Variants in EFCAB6 observed in about 807,000 individuals in gnomAD.
EFCAB6 encodes the protein EF-hand calcium-binding domain-containing protein 6.
A neutral mutation model predicts 169.8 loss-of-function variants in EFCAB6; 156 were observed. The observed-to-expected ratio is 0.92, with a 90% CI of 0.81 to 1.05. The LOEUF is 1.05. Ranked by LOEUF, EFCAB6 falls within the 50% of genes least tolerant of loss-of-function variation. The probability of loss-of-function intolerance (pLI) is 0.00; values close to 1 mark genes in which losing one functional copy is unlikely to be tolerated. For missense variants in EFCAB6, 1,800 were observed against 1,829.1 expected, an observed-to-expected ratio of 0.98 and a Z score of 0.29; for synonymous variants, 698 against 676.4, an observed-to-expected ratio of 1.03 and a Z score of -0.50.
intron 2 of EFCAB6, among the ~76,000 whole-genome samples, chr22:43,794,433 G>A (rs1603381282): frequency 6.6e-6 from 1 of 152,266 alleles, no homozygotes. Flanking sequence ...CCCAAACTCC[G>A]GTGAATTTAA....
intron 24 of EFCAB6, among the ~76,000 whole-genome samples, chr22:43,583,442 A>C (rs2147333635): frequency 6.6e-6 from 1 of 152,052 alleles, no homozygotes; most frequent in South Asian, 2.1e-4. Context: ...GACAAGGTAA[A>C]ACAAAGGCAG....
At chr22:43,700,590 A>G (rs762539186) in intron 10 of EFCAB6, among the ~76,000 whole-genome samples, 7 of 152,210 alleles carry the variant, frequency 4.6e-5, no homozygotes, top group Admixed American at 2.0e-4. Flanking sequence ...AGAATGACAG[A>G]ACGGTCCCCT....
intron 25 of EFCAB6, 49 bp from the exon 26 acceptor site, chr22:43,576,537 A>G: frequency 6.9e-7 from 1 of 1,448,060 alleles, no homozygotes; most frequent in South Asian, 1.5e-5. Context: ...TCAAATGAAT[A>G]CTTCTAAAAC....
chr22:43,738,855 TC>T (rs1177819109), intron 6 of EFCAB6, among the ~76,000 whole-genome samples: 2 of 152,116 alleles, frequency 1.3e-5, no homozygotes, highest in African/African-American at 2.4e-5. Flanking sequence ...CCTGGCTCCA[TC>T]CCCACATGAG....
At chr22:43,659,136 T>A (rs2056886900) in intron 17 of EFCAB6, among the ~76,000 whole-genome samples, 1 of 152,232 alleles carries the variant, frequency 6.6e-6, no homozygotes, top group Non-Finnish European at 1.5e-5. Context: ...GAGGATTTCT[T>A]ATGCGCTCTC....
chr22:43,672,076 G>T lies in EFCAB6; in HGVS notation c.1537C>A (p.Leu513Ile). The T allele has an allele frequency of 6.2e-7, 1 of 1,614,030 alleles. No individual in the cohort carries two copies. Among genetic ancestry groups the T allele is most frequent in the African/African-American group, 1.3e-5 (1 of 75,064 alleles). Residue 513 changes from leucine to isoleucine, a missense_variant, in exon 15 of 32, where the codon CTA becomes ATA. Leu to Ile is a conservative substitution (Grantham distance 5). Coordinates refer to ENST00000262726, the MANE Select transcript of EFCAB6 (RefSeq NM_022785.4). Reference sequence around the variant, plus strand: ...GTGTCTCCAAGGTCATATGAGCGTAGCATGTTATAAAAAGCTTGTAGGTTC... The same window carrying T: ...GTGTCTCCAAGGTCATATGAGCGTATCATGTTATAAAAAGCTTGTAGGTTC... ...TRNLQAFYNM[L>I]RSYDLGDTGR... is the part of the protein sequence containing the mutation.
intron 17 of EFCAB6, among the ~76,000 whole-genome samples, chr22:43,645,793 C>T (rs1485694417): frequency 4.6e-5 from 7 of 152,034 alleles, no homozygotes; most frequent in Non-Finnish European, 8.8e-5. Context: ...CCATCTCTTC[C>T]TCAGATGTAA....
chr22:43,570,689 T>C (rs2049802834), intron 26 of EFCAB6, among the ~76,000 whole-genome samples: 1 of 152,116 alleles, frequency 6.6e-6, no homozygotes, highest in South Asian at 2.1e-4. Context: ...TGTTCCTCTT[T>C]TATGCCTTCT....
At chr22:43,624,945 G>A (rs2054394379) in intron 20 of EFCAB6, among the ~76,000 whole-genome samples, 1 of 152,150 alleles carries the variant, frequency 6.6e-6, no homozygotes, top group African/African-American at 2.4e-5. Flanking sequence ...AATTTTTTGG[G>A]AAGAATTTTG....
At chr22:43,579,877 T>A (rs943213325) in intron 25 of EFCAB6, among the ~76,000 whole-genome samples, 2 of 151,230 alleles carry the variant, frequency 1.3e-5, no homozygotes, top group African/African-American at 4.9e-5. Context: ...CAGGCATCAT[T>A]CCCTACATGC....
intron 21 of EFCAB6, among the ~76,000 whole-genome samples, chr22:43,609,523 G>C (rs921054062): frequency 2.0e-5 from 3 of 152,114 alleles, no homozygotes; most frequent in Non-Finnish European, 4.4e-5. Context: ...ATCAGACACA[G>C]AAAGTGAAAT....
At chr22:43,578,504 T>G (rs141505657) in intron 25 of EFCAB6, among the ~76,000 whole-genome samples, 3 of 152,176 alleles carry the variant, frequency 2.0e-5, no homozygotes, top group African/African-American at 7.2e-5. Context: ...GCAGAAAGCA[T>G]CTTCCCTTCT....
At chr22:43,616,412 C>T (rs2053690156) in intron 20 of EFCAB6, among the ~76,000 whole-genome samples, 1 of 152,206 alleles carries the variant, frequency 6.6e-6, no homozygotes, top group East Asian at 1.9e-4. Flanking sequence ...CCTGTAATCC[C>T]AGCACTTTGG....
intron 3 of EFCAB6, among the ~76,000 whole-genome samples, chr22:43,774,545 C>T (rs772626104): frequency 2.6e-5 from 4 of 151,512 alleles, no homozygotes; most frequent in Non-Finnish European, 4.4e-5. Context: ...GGATGACTCT[C>T]GCTCCTGATG....
intron 17 of EFCAB6, among the ~76,000 whole-genome samples, chr22:43,635,549 C>T (rs890482133): frequency 6.6e-6 from 1 of 152,128 alleles, no homozygotes; most frequent in Non-Finnish European, 1.5e-5. Flanking sequence ...TTTAGAGTCT[C>T]ATACATTAGG....
rs1357869252 is a variant in EFCAB6 at position 43,784,541 on chromosome 22, G to GTATATATACACA, written c.-7-2217_-7-2216insTGTGTATATATA. On this transcript the variant is annotated intron_variant, in intron 2 of 31. Coordinates refer to ENST00000262726, the MANE Select transcript of EFCAB6 (RefSeq NM_022785.4). ...TGTGTGTGTGTGTGTGTGTGTGTGT[G>GTATATATACACA]TGTATATGTATATATACACATATAT... Among the ~76,000 whole-genome samples the GTATATATACACA allele has an allele frequency of 5.1e-4, 41 of 79,712 alleles. 1 individual carries two copies. In the East Asian group the frequency reaches 6.9e-3, roughly 13 times the overall value. 52.3% of individuals were successfully genotyped at this position (79,712 alleles called of 152,430 possible). A position where few individuals can be genotyped will look rare whatever the true frequency, so the allele number is the denominator to read the frequency against.
intron 17 of EFCAB6, 73 bp downstream of exon 17, chr22:43,667,031 T>A: frequency 2.6e-6 from 4 of 1,524,308 alleles, no homozygotes; most frequent in Non-Finnish European, 3.5e-6. Context: ...GCCATTGTCC[T>A]TTAAAGTATG....
At chr22:43,588,984 C>T (rs1275650865) in intron 24 of EFCAB6, among the ~76,000 whole-genome samples, 2 of 151,884 alleles carry the variant, frequency 1.3e-5, no homozygotes, top group African/African-American at 4.8e-5. Flanking sequence ...CATGAGGTAA[C>T]GGAGGCTGAG....
chr22:43,784,710 C>T (rs965587004), intron 2 of EFCAB6, among the ~76,000 whole-genome samples: 5 of 141,012 alleles, frequency 3.5e-5, no homozygotes, highest in African/African-American at 1.3e-4. Flanking sequence ...CACACACACA[C>T]ACACACACAT....
Sources: allele counts gnomAD v4.1 joint callset (sites outside exome capture counted in the v4.1 genomes callset), GRCh38; gene constraint gnomAD v4.1.1; transcripts MANE v1.5; gene names NCBI Gene and HGNC (gene_info 2026-07-23, HGNC 2026-07-21).